Variants in NR3C2 observed in about 807,000 individuals in gnomAD.
NR3C2 encodes mineralocorticoid receptor.
A neutral mutation model predicts 86.4 loss-of-function variants in NR3C2; 15 were observed. The observed-to-expected ratio is 0.17, with a 90% CI of 0.12 to 0.27. The LOEUF is 0.27. NR3C2 is among the 10% of genes least tolerant of loss of function. NR3C2 has a pLI of 1.00. For missense variants in NR3C2, 960 were observed against 1,195.6 expected (o/e 0.80, Z 2.91); for synonymous variants, 458 against 450.5 (o/e 1.02, Z -0.21).
At chr4:148,400,397 T>C (rs1270484934) in intron 2 of NR3C2, among the ~76,000 whole-genome samples, 1 of 151,586 alleles carries the variant, frequency 6.6e-6, no homozygotes, top group African/African-American at 2.4e-5. Flanking sequence ...CCTTGATTTT[T>C]TGCTCTTGGA....
chr4:148,230,469 T>G (rs756281023), intron 3 of NR3C2, among the ~76,000 whole-genome samples: 10 of 152,208 alleles, frequency 6.6e-5, no homozygotes, highest in Non-Finnish European at 1.5e-4. Flanking sequence ...AGTGCTGGGA[T>G]TACAGGCGTG....
chr4:148,210,580 A>G (rs1230323780), intron 3 of NR3C2, among the ~76,000 whole-genome samples: 1 of 152,176 alleles, frequency 6.6e-6, no homozygotes, highest in African/African-American at 2.4e-5. Context: ...CCTACTTGTC[A>G]GTGTTCTTTT....
intron 2 of NR3C2, among the ~76,000 whole-genome samples, chr4:148,363,665 G>A (rs991346201): frequency 3.3e-5 from 5 of 151,870 alleles, no homozygotes; most frequent in African/African-American, 7.3e-5. Flanking sequence ...CACCACGCCC[G>A]GCTAATGTTT....
intron 6 of NR3C2, among the ~76,000 whole-genome samples, chr4:148,130,136 T>C (rs1732950516): frequency 6.6e-6 from 1 of 152,186 alleles, no homozygotes; most frequent in Admixed American, 6.5e-5. Context: ...TTTAATAAAC[T>C]GTGATTTCAA....
At chr4:148,378,228 C>T (rs1423832710) in intron 2 of NR3C2, among the ~76,000 whole-genome samples, 1 of 152,108 alleles carries the variant, frequency 6.6e-6, no homozygotes, top group African/African-American at 2.4e-5. Context: ...CATTCATCCC[C>T]TTCAGACTAG....
At chr4:148,233,768 C>T (rs879207540) in intron 3 of NR3C2, among the ~76,000 whole-genome samples, 2 of 152,188 alleles carry the variant, frequency 1.3e-5, no homozygotes, top group Admixed American at 6.5e-5. Context: ...CACCGTCTTA[C>T]GTGGTCATGG....
chr4:148,097,348 T>G (rs1578877830), intron 8 of NR3C2, among the ~76,000 whole-genome samples: 1 of 152,198 alleles, frequency 6.6e-6, no homozygotes, highest in Admixed American at 6.5e-5. Flanking sequence ...GCTAACTGTC[T>G]TACAAAGTCA....
intron 4 of NR3C2, among the ~76,000 whole-genome samples, chr4:148,178,535 G>A (rs1486026776): frequency 6.6e-6 from 1 of 151,746 alleles, no homozygotes; most frequent in East Asian, 1.9e-4. Context: ...TTATGGGTTT[G>A]TAGTAGAGAT....
At chr4:148,358,972 A>G (rs1745705501) in intron 2 of NR3C2, among the ~76,000 whole-genome samples, 1 of 149,882 alleles carries the variant, frequency 6.7e-6, no homozygotes. Context: ...ACACACGCAC[A>G]CACACACACA....
chr4:148,288,668 C>CCAGA (rs1188092817), intron 2 of NR3C2, among the ~76,000 whole-genome samples: 1 of 152,066 alleles, frequency 6.6e-6, no homozygotes, highest in African/African-American at 2.4e-5. Context: ...TTTTTTCCTA[C>CCAGA]CGTCTTCCAG....
rs1236148551 is a variant in NR3C2, at chr4:148,118,354, G to C, written c.2641+1804C>G. On this transcript the variant is annotated intron_variant, in intron 7 of 8. Transcript: ENST00000358102. Reference sequence around the variant, plus strand: ...TATCAACTTTCTCTGTGGAGGCCATGCTGTTAGTCACATGCCTTTTGAAAA... The same window carrying C: ...TATCAACTTTCTCTGTGGAGGCCATCCTGTTAGTCACATGCCTTTTGAAAA... 5.3e-5 allele frequency among the ~76,000 whole-genome samples: 8 copies of C among 152,266 alleles called. No individual in the cohort carries two copies. The East Asian group carries it at 1.5e-3, about 29-fold the overall frequency.
intron 3 of NR3C2, among the ~76,000 whole-genome samples, chr4:148,226,972 A>G (rs1738203173): frequency 6.6e-6 from 1 of 152,218 alleles, no homozygotes; most frequent in Admixed American, 6.5e-5. Flanking sequence ...AGAAAAGTAC[A>G]TAAAGTTCCT....
At chr4:148,176,907 C>T (rs775904949) in intron 4 of NR3C2, among the ~76,000 whole-genome samples, 10 of 152,168 alleles carry the variant, frequency 6.6e-5, no homozygotes, top group Non-Finnish European at 1.2e-4. Flanking sequence ...TTTTCATTCC[C>T]ATTTAAAATA....
In NR3C2 at chr4:148,161,544, G is replaced by A. The variant is rs145032257; in HGVS notation, c.2015-6643C>T. On this transcript the variant is annotated intron_variant, in intron 4 of 8. Transcript: ENST00000358102. The stretch of plus-strand genomic sequence containing the variant: ...TTTTTTAAATATTTTTAGTAGAGGC[G>A]GGGTTTTACCATGTTTGGCCAGGCT... Among the ~76,000 whole-genome samples, 514 of 152,038 alleles carry A rather than the reference G, an allele frequency of 3.4e-3. 3 individuals carry two copies. The highest frequency in any genetic ancestry group is 5.3e-3 in the Non-Finnish European group (360 of 67,976).
chr4:148,181,528 C>T (rs543383215), intron 4 of NR3C2, among the ~76,000 whole-genome samples: 82 of 152,144 alleles, frequency 5.4e-4, no homozygotes, highest in Non-Finnish European at 1.0e-3. Context: ...TAGTGCTATG[C>T]TTTACATATT....
intron 2 of NR3C2, among the ~76,000 whole-genome samples, chr4:148,371,627 AAAG>A (rs1232993076): frequency 6.6e-6 from 1 of 152,046 alleles, no homozygotes; most frequent in East Asian, 1.9e-4. Flanking sequence ...GAGAAAAAAA[AAAG>A]GAGGAAAAGA....
chr4:148,338,378 G>A (rs1047379436), intron 2 of NR3C2, among the ~76,000 whole-genome samples: 1 of 152,058 alleles, frequency 6.6e-6, no homozygotes, highest in Non-Finnish European at 1.5e-5. Flanking sequence ...AATGTTATGG[G>A]ATTTTTAAAA....
chr4:148,088,325 G>T (rs1730909171), intron 8 of NR3C2, among the ~76,000 whole-genome samples: 1 of 152,292 alleles, frequency 6.6e-6, no homozygotes, highest in South Asian at 2.1e-4. Context: ...CAAGGATCTA[G>T]AACTAGAAAT....
intron 2 of NR3C2, among the ~76,000 whole-genome samples, chr4:148,380,568 C>T (rs776997213): frequency 9.2e-5 from 14 of 152,336 alleles, no homozygotes; most frequent in Middle Eastern, 3.4e-3. Flanking sequence ...ACCAGCAATG[C>T]ATGAACATTC....
Sources: gnomAD v4.1 joint callset for allele counts (sites outside exome capture counted in the v4.1 genomes callset) on GRCh38, gnomAD v4.1.1 for gene constraint, MANE v1.5 for transcripts, NCBI Gene and HGNC (gene_info 2026-07-23, HGNC 2026-07-21) for gene names.